The following RETREG3 variants were observed in gnomAD, a reference collection of about 807,000 sequenced individuals.
RETREG3 encodes the protein reticulophagy regulator 3.
Under a neutral mutation model 50.2 loss-of-function variants are expected in RETREG3, and 23 were observed. The ratio of observed to expected loss-of-function variants is 0.46; its 90% CI spans 0.33 to 0.65. The LOEUF (loss-of-function observed/expected upper bound fraction) is 0.65. Among genes scored for constraint, RETREG3 ranks in the 30% least tolerant of loss-of-function variants. RETREG3 has a pLI of 0.02. For missense variants in RETREG3, 546 were observed against 598.0 expected (o/e 0.91, Z 0.91); for synonymous variants, 240 against 234.4 (o/e 1.02, Z -0.22).
chr17:42,601,956 G>A (rs2093159500), intron 1 of RETREG3, among the ~76,000 whole-genome samples: 1 of 151,782 alleles, frequency 6.6e-6, no homozygotes, highest in Non-Finnish European at 1.5e-5. Flanking sequence ...ATTTTTTGAT[G>A]TAATAAAAGC....
At chr17:42,592,269 G>A in intron 1 of RETREG3, 107 bp from the exon 2 acceptor site, 1 of 839,502 alleles carries the variant, frequency 1.2e-6, no homozygotes, top group Non-Finnish European at 1.8e-6. Flanking sequence ...TTGAGGTCTA[G>A]CTTTTTTTGT....
At chr17:42,596,807 T>C (rs925581459) in intron 1 of RETREG3, among the ~76,000 whole-genome samples, 2 of 152,096 alleles carry the variant, frequency 1.3e-5, no homozygotes, top group Non-Finnish European at 2.9e-5. Context: ...ATTACCTGGT[T>C]ACCTTGGAGG....
At chr17:42,590,721 C>A (rs910921445) in intron 2 of RETREG3, among the ~76,000 whole-genome samples, 2 of 152,118 alleles carry the variant, frequency 1.3e-5, no homozygotes, top group Non-Finnish European at 1.5e-5. Flanking sequence ...AATCCCAGCA[C>A]TTTGGGAGGC....
intron 2 of RETREG3, among the ~76,000 whole-genome samples, chr17:42,589,947 T>C (rs1458487761): frequency 6.6e-6 from 1 of 152,152 alleles, no homozygotes; most frequent in African/African-American, 2.4e-5. Flanking sequence ...ACGCAGGTAA[T>C]CCCAGCACTT....
chr17:42,600,197 A>G (rs1223042679), intron 1 of RETREG3, among the ~76,000 whole-genome samples: 1 of 152,170 alleles, frequency 6.6e-6, no homozygotes, highest in Non-Finnish European at 1.5e-5. Flanking sequence ...AGCTTAGGCA[A>G]CACAGCAAGA....
intron 1 of RETREG3, among the ~76,000 whole-genome samples, chr17:42,606,227 C>G (rs1784144544): frequency 6.6e-6 from 1 of 152,102 alleles, no homozygotes; most frequent in Non-Finnish European, 1.5e-5. Flanking sequence ...TAAGTAAACA[C>G]TGGTAGAGGC....
chr17:42,581,112 C>T lies in RETREG3; in HGVS notation c.*701G>A, dbSNP rs1033557597. ...TTTAACAAAAGATGACGACTAATCC[C>T]AGCACTCTGGGAGGCCAAGGCAGTC... is the stretch of plus-strand genomic sequence containing the variant. On this transcript the variant is annotated 3_prime_UTR_variant, in exon 9 of 9. Coordinates refer to ENST00000309428, the MANE Select transcript of RETREG3 (RefSeq NM_178126.4). 4.0e-5 allele frequency: 6 copies of T among 150,980 alleles called. No homozygotes were observed. Among genetic ancestry groups the T allele is most frequent in the African/African-American group, 7.3e-5 (3 of 40,946 alleles). 9.4% of individuals were successfully genotyped at this position (150,980 alleles called of 1,614,324 possible).
In RETREG3 at chr17:42,588,495, C is replaced by T. The variant is rs529108707; in HGVS notation, c.347-631G>A. ...CGTGATCTCAGCTCACTCAGCCTCCCGAGTAACTGGGATTACAGGCACACG... is the reference window on the plus strand; with the variant it reads ...CGTGATCTCAGCTCACTCAGCCTCCTGAGTAACTGGGATTACAGGCACACG... On this transcript the variant is annotated intron_variant, in intron 2 of 8. Coordinates refer to ENST00000309428, the MANE Select transcript of RETREG3 (RefSeq NM_178126.4). Among the ~76,000 whole-genome samples, 8 of 151,986 alleles carry T rather than the reference C, an allele frequency of 5.3e-5. No homozygotes were observed. In the South Asian group the frequency reaches 1.7e-3, roughly 32 times the overall value.
intron 1 of RETREG3, among the ~76,000 whole-genome samples, chr17:42,596,856 T>G (rs1002856275): frequency 7.1e-6 from 1 of 140,914 alleles, no homozygotes; most frequent in Non-Finnish European, 1.5e-5. Context: ...GTCTATTAAG[T>G]TTTGCTGTTT....
At chr17:42,604,612 G>A (rs2093164318) in intron 1 of RETREG3, among the ~76,000 whole-genome samples, 1 of 150,036 alleles carries the variant, frequency 6.7e-6, no homozygotes, top group Admixed American at 6.7e-5. Context: ...AGAGGCTGCA[G>A]TGAGCTATGA....
chr17:42,592,218 A>T, intron 1 of RETREG3, 56 bp from the exon 2 acceptor site: 1 of 1,473,884 alleles, frequency 6.8e-7, no homozygotes, highest in East Asian at 2.3e-5. Flanking sequence ...CTAATTTCAG[A>T]AAAGGCCACG....
At chr17:42,603,126 T>C (rs1208059592) in intron 1 of RETREG3, among the ~76,000 whole-genome samples, 1 of 152,114 alleles carries the variant, frequency 6.6e-6, no homozygotes, top group African/African-American at 2.4e-5. Flanking sequence ...AAATAAAATA[T>C]CCCTGGAATA....
chr17:42,587,156 G>T (rs2143381690), intron 3 of RETREG3, among the ~76,000 whole-genome samples: 1 of 152,126 alleles, frequency 6.6e-6, no homozygotes. Flanking sequence ...CAGCTCCAAG[G>T]CCCTTTGTGC....
intron 2 of RETREG3, among the ~76,000 whole-genome samples, chr17:42,591,495 C>T (rs2093133119): frequency 6.6e-6 from 1 of 152,100 alleles, no homozygotes; most frequent in Non-Finnish European, 1.5e-5. Flanking sequence ...TATGCATCAC[C>T]ATGCCCAGCT....
intron 1 of RETREG3, among the ~76,000 whole-genome samples, chr17:42,599,747 C>T (rs1241166092): frequency 6.6e-6 from 1 of 151,798 alleles, no homozygotes; most frequent in Non-Finnish European, 1.5e-5. Context: ...AATCCCAGCA[C>T]TTTGGGAAGC....
rs1178709438 is a variant in RETREG3, at chr17:42,587,739, T to G, written c.377+95A>C. Reference sequence around the variant, plus strand: ...AACAGCCTAGGTTCTCAGTTTACACTGTGTGTCCAGAACATGGGGTTAACA... The same window carrying G: ...AACAGCCTAGGTTCTCAGTTTACACGGTGTGTCCAGAACATGGGGTTAACA... On this transcript the variant is annotated intron_variant, in intron 3 of 8. Coordinates refer to ENST00000309428, the MANE Select transcript of RETREG3 (RefSeq NM_178126.4). The G allele has an allele frequency of 3.4e-5, 50 of 1,468,448 alleles. No individual in the cohort carries two copies. In the East Asian group the frequency reaches 1.1e-3, roughly 32 times the overall value. 91.0% of individuals were successfully genotyped at this position (1,468,448 alleles called of 1,614,324 possible).
chr17:42,595,339 C>G (rs368568885), intron 1 of RETREG3, among the ~76,000 whole-genome samples: 1 of 151,682 alleles, frequency 6.6e-6, no homozygotes, highest in South Asian at 2.1e-4. Flanking sequence ...ACTCCCTGAC[C>G]TCGTGATCCT....
Position 42,609,238 on chromosome 17 carries a change from C to G in RETREG3, c.87G>C (p.Trp29Cys), listed in dbSNP as rs1346617745. 1 of 1,608,100 alleles carries G rather than the reference C, an allele frequency of 6.2e-7. No individual in the cohort carries two copies. The highest frequency in any genetic ancestry group is 1.3e-5 in the African/African-American group (1 of 74,940). The change falls in exon 1 of 9, where the codon TGG becomes TGC. Residue 29 changes from tryptophan to cysteine, a missense_variant. Transcript: ENST00000309428. ...CCGCCTCAACCTGCTGGTCCCGCTC[C>G]CAGGAGCCTGACACATCTCGGCGGC... The part of the protein sequence containing the change: ...FRGRRDVSGS[W>C]ERDQQVEAAQ...
At chr17:42,585,035 TTTGAGGACCCACCCAGTA>T in intron 6 of RETREG3, 72 bp downstream of exon 6, 2 of 1,481,564 alleles carry the variant, frequency 1.3e-6, no homozygotes, top group Non-Finnish European at 1.8e-6. Flanking sequence ...GACTTCCACT[TTTGAGGACCCACCCAGTA>T]TGTCAGACCT....
Sources: allele counts gnomAD v4.1 joint callset (sites outside exome capture counted in the v4.1 genomes callset), GRCh38; gene constraint gnomAD v4.1.1; transcripts MANE v1.5; gene names NCBI Gene and HGNC (gene_info 2026-07-23, HGNC 2026-07-21).